The following DMD variants were observed in gnomAD, a reference collection of about 807,000 sequenced individuals.
DMD encodes dystrophin.
A neutral mutation model predicts 330.1 loss-of-function variants in DMD; 63 were observed. That is an observed-to-expected ratio of 0.19 (90% CI 0.16 to 0.24). The LOEUF is 0.24. DMD is among the 10% of genes least tolerant of loss of function. DMD has a pLI of 1.00. For missense variants in DMD, 3,344 were observed against 2,684.1 expected (o/e 1.25, Z -5.43); for synonymous variants, 1,223 against 959.8 (o/e 1.27, Z -5.07).
chrX:31,778,987 A>G (rs963208289), intron 50 of DMD, among the ~76,000 whole-genome samples: 3 of 111,958 alleles, frequency 2.7e-5, no homozygotes, highest in Non-Finnish European at 3.8e-5. Context: ...TACTAGAAAT[A>G]TATGCAAATC....
At chrX:31,640,483 G>A (rs1428007954) in intron 54 of DMD, among the ~76,000 whole-genome samples, 1 of 112,236 alleles carries the variant, frequency 8.9e-6, no homozygotes. Flanking sequence ...CTAGAGTTTG[G>A]ACTAGAAGGG....
chrX:31,795,500 G>A (rs751825879), intron 50 of DMD, among the ~76,000 whole-genome samples: 154 of 111,607 alleles, frequency 1.4e-3, no homozygotes, highest in African/African-American at 4.8e-3. Flanking sequence ...CAAAGCTGAC[G>A]CAGAGAAAAA....
At chrX:31,957,270 C>T (rs145392909) in intron 45 of DMD, among the ~76,000 whole-genome samples, 4,075 of 111,751 alleles carry the variant, frequency 0.036, 73 homozygotes, top group Non-Finnish European at 0.056. Flanking sequence ...AGTCCGTTTC[C>T]GCTTCTATCA....
intron 53 of DMD, among the ~76,000 whole-genome samples, chrX:31,664,927 T>C (rs2081344445): frequency 1.8e-5 from 2 of 111,149 alleles, no homozygotes; most frequent in South Asian, 7.5e-4. Flanking sequence ...AACCTCTCTC[T>C]TTGGATTACA....
intron 55 of DMD, among the ~76,000 whole-genome samples, chrX:31,597,698 T>C (rs2077169909): frequency 8.9e-6 from 1 of 112,121 alleles, no homozygotes. Flanking sequence ...AAGATGGGTC[T>C]TGAAGCAGTA....
intron 53 of DMD, among the ~76,000 whole-genome samples, chrX:31,673,397 G>A (rs183428569): frequency 4.1e-4 from 46 of 111,620 alleles, no homozygotes; most frequent in African/African-American, 8.5e-4. Context: ...CGGAACACTC[G>A]AGGTCAGGAG....
At chrX:31,561,166 G>A (rs2147852467) in intron 55 of DMD, among the ~76,000 whole-genome samples, 1 of 111,964 alleles carries the variant, frequency 8.9e-6, no homozygotes, top group South Asian at 3.7e-4. Flanking sequence ...AGGGATCAAA[G>A]TTCCTACTTC....
At chrX:32,391,123 C>CATTT (rs757326976) in intron 30 of DMD, among the ~76,000 whole-genome samples, 2 of 111,536 alleles carry the variant, frequency 1.8e-5, no homozygotes, top group Non-Finnish European at 3.8e-5. Flanking sequence ...GAACACAATA[C>CATTT]ATTTATTTAT....
intron 29 of DMD, among the ~76,000 whole-genome samples, chrX:32,424,086 C>T (rs1453655220): frequency 9.0e-6 from 1 of 110,938 alleles, no homozygotes; most frequent in Admixed American, 9.6e-5. Flanking sequence ...TGTAATCACT[C>T]TTGACCATTT....
intron 18 of DMD, chrX:32,517,321 T>A (rs1305714737): frequency 1.8e-5 from 2 of 112,256 alleles, no homozygotes; most frequent in African/African-American, 6.5e-5. Flanking sequence ...GTTTTATAAT[T>A]GTTGAAGTTG....
At chrX:31,686,658 C>T (rs1349357899) in intron 52 of DMD, among the ~76,000 whole-genome samples, 1 of 112,125 alleles carries the variant, frequency 8.9e-6, no homozygotes, top group East Asian at 2.8e-4. Flanking sequence ...TAATCAATGA[C>T]CTCTCTTTCC....
chrX:31,236,680 A>C (rs1335035690), intron 63 of DMD, among the ~76,000 whole-genome samples: 2 of 112,351 alleles, frequency 1.8e-5, no homozygotes, highest in Non-Finnish European at 3.8e-5. Context: ...GGAATTTAAA[A>C]ACATACAAGT....
chrX:31,323,647 C>A lies in DMD; in HGVS notation c.9175G>T (p.Gly3059Cys). 1 of 1,209,486 alleles carries A rather than the reference C, an allele frequency of 8.3e-7. No individual in the cohort carries two copies. Among genetic ancestry groups the A allele is most frequent in the South Asian group, 1.8e-5 (1 of 56,671 alleles). ...GGCGAGATGGCTCTCTCCCAGGGAC[C>A]CTGGACAGACGCTGAAAAGAAGGGA... ...SQHFLSTSVQ[G>C]PWERAISPNK... The change falls in exon 62 of 79, where the codon GGT becomes TGT. Residue 3059 changes from glycine to cysteine, a missense_variant. Coordinates refer to ENST00000357033, the MANE Select transcript of DMD (RefSeq NM_004006.3).
intron 19 of DMD, among the ~76,000 whole-genome samples, chrX:32,501,363 GT>G (rs1034975984): frequency 1.8e-5 from 2 of 111,785 alleles, no homozygotes; most frequent in Non-Finnish European, 3.8e-5. Context: ...TAATTTTAGT[GT>G]TTGGAAAAAC....
intron 30 of DMD, among the ~76,000 whole-genome samples, chrX:32,401,374 T>A (rs1183526491): frequency 1.8e-5 from 2 of 112,086 alleles, no homozygotes; most frequent in African/African-American, 6.5e-5. Flanking sequence ...AATACAGTAC[T>A]ATTCAGCCAT....
chrX:32,706,557 C>T (rs1205981928), intron 7 of DMD, among the ~76,000 whole-genome samples: 1 of 108,905 alleles, frequency 9.2e-6, no homozygotes, highest in Non-Finnish European at 1.9e-5. Context: ...GAGTGAGACT[C>T]CATCTCAAAA....
chrX:32,792,636 G>T (rs1462974393), intron 7 of DMD, among the ~76,000 whole-genome samples: 2 of 112,191 alleles, frequency 1.8e-5, no homozygotes, highest in African/African-American at 6.5e-5. Flanking sequence ...TATATTTTAT[G>T]CAAACCGAAG....
rs925659730 is a variant in DMD, at chrX:33,090,266, T to C, written c.32-70066A>G. Among the ~76,000 whole-genome samples, 4 of 109,756 alleles carry C rather than the reference T, an allele frequency of 3.6e-5. No individual in the cohort carries two copies. In the Admixed American group the frequency reaches 4.0e-4, roughly 11 times the overall value. On this transcript the variant is annotated intron_variant, in intron 1 of 78. Coordinates refer to ENST00000357033, the MANE Select transcript of DMD (RefSeq NM_004006.3). The stretch of plus-strand genomic sequence containing the variant: ...CATAAAAACCCTCATAAGCCACGTA[T>C]ATATACCAAAATTACATACATGTAT...
At position 33,020,192 on chromosome X, in the gene DMD, C is replaced by T. The variant is rs1389235987; in HGVS notation, c.40G>A (p.Glu14Lys). 8.6e-7 allele frequency: 1 copy of T among 1,168,673 alleles called. No individual in the cohort carries two copies. Among genetic ancestry groups the T allele is most frequent in the East Asian group, 3.0e-5 (1 of 33,306 alleles). The change falls in exon 2 of 79, where the codon GAA becomes AAA. Residue 14 changes from glutamate (E) to lysine (K), a missense_variant. By Grantham distance (56) the Glu-to-Lys change is moderately conservative. Coordinates refer to ENST00000357033, the MANE Select transcript of DMD (RefSeq NM_004006.3). ...GTGAATGTTTTCTTTTGAACATCTT[C>T]TCTTTCATCTAAAATGCAAAATAAA... ...WEEVEDCYER[E>K]DVQKKTFTKW... is the part of the protein sequence containing the mutation.
Sources: gnomAD v4.1 joint callset for allele counts (sites outside exome capture counted in the v4.1 genomes callset) on GRCh38, gnomAD v4.1.1 for gene constraint, MANE v1.5 for transcripts, NCBI Gene and HGNC (gene_info 2026-07-23, HGNC 2026-07-21) for gene names.